The following CAMK4 variants were observed in gnomAD, a reference collection of about 807,000 sequenced individuals.
CAMK4 encodes the protein calcium/calmodulin dependent protein kinase IV.
CAMK4 carries 22 observed loss-of-function variants against 44.9 expected under a neutral mutation model. The observed-to-expected ratio is 0.49, with a 90% CI of 0.35 to 0.70. CAMK4 has a LOEUF of 0.70. Ranked by LOEUF, CAMK4 falls within the 30% of genes least tolerant of loss-of-function variation. CAMK4 has a pLI of 0.01. For synonymous variants in CAMK4, 218 were observed against 215.4 expected (o/e 1.01, Z -0.11); for missense variants, 498 against 586.8 (o/e 0.85, Z 1.56).
At chr5:111,280,079 G>A (rs773361487) in intron 1 of CAMK4, among the ~76,000 whole-genome samples, 2 of 152,144 alleles carry the variant, frequency 1.3e-5, no homozygotes, top group Non-Finnish European at 2.9e-5. Flanking sequence ...AAAAACATTG[G>A]AAGGCAGTTT....
chr5:111,242,301 A>G (rs967058669), intron 1 of CAMK4, among the ~76,000 whole-genome samples: 2 of 152,322 alleles, frequency 1.3e-5, no homozygotes, highest in Non-Finnish European at 2.9e-5. Flanking sequence ...AAGGGGTATA[A>G]TAATAATCTC....
intron 5 of CAMK4, among the ~76,000 whole-genome samples, chr5:111,409,784 G>A (rs1041947544): frequency 1.3e-5 from 2 of 152,152 alleles, no homozygotes; most frequent in African/African-American, 4.8e-5. Flanking sequence ...TAGGGCAGGG[G>A]CAAAATGCTG....
At chr5:111,223,687 A>G (rs955038109), upstream of CAMK4, 1 of 152,278 alleles carries the variant, frequency 6.6e-6, no homozygotes, top group African/African-American at 2.4e-5. The surrounding 1 kb of genome is among the most constrained non-coding windows in gnomAD (Gnocchi z 4.3). Flanking sequence ...ATTTATTCCA[A>G]CTGAAGACTT....
chr5:111,268,723 G>T (rs1331701097), intron 1 of CAMK4, among the ~76,000 whole-genome samples: 1 of 152,132 alleles, frequency 6.6e-6, no homozygotes, highest in Non-Finnish European at 1.5e-5. Flanking sequence ...CTGATGTGTG[G>T]TATGTGACAT....
chr5:111,312,634 A>T (rs1748256157), intron 1 of CAMK4, among the ~76,000 whole-genome samples: 2 of 152,172 alleles, frequency 1.3e-5, no homozygotes, highest in Admixed American at 1.3e-4. Context: ...AAATTTCAAG[A>T]TACAAATGAA....
chr5:111,443,347 AC>A (rs1753913448), intron 5 of CAMK4, among the ~76,000 whole-genome samples: 2 of 138,198 alleles, frequency 1.4e-5, no homozygotes, highest in African/African-American at 5.5e-5. Flanking sequence ...CTATATATAT[AC>A]TATATATATA....
chr5:111,402,309 A>T (rs2112877200), intron 5 of CAMK4, among the ~76,000 whole-genome samples: 1 of 152,348 alleles, frequency 6.6e-6, no homozygotes, highest in Non-Finnish European at 1.5e-5. Context: ...AATAAATTGT[A>T]CAGGATGTTA....
chr5:111,473,877 G>A (rs1755149345), intron 8 of CAMK4, among the ~76,000 whole-genome samples: 2 of 152,062 alleles, frequency 1.3e-5, no homozygotes, highest in Admixed American at 1.3e-4. Context: ...AGGTTTTCAA[G>A]GGTCTTAAAT....
rs566487573 is a variant in CAMK4, at chr5:111,255,043, C to T, written c.161+30399C>T. ...AGTACTCCTAAAGCTATACTTTGTC[C>T]AACTTTTACTTAGTACTTAAAAAAA... On this transcript the variant is annotated intron_variant, in intron 1 of 10. Coordinates refer to ENST00000282356, the MANE Select transcript of CAMK4 (RefSeq NM_001744.6). Among the ~76,000 whole-genome samples the T allele has an allele frequency of 7.5e-5, 11 of 146,774 alleles. No homozygotes were observed. In the South Asian group the frequency reaches 2.4e-3, roughly 33 times the overall value.
chr5:111,434,036 C>T (rs1310721120), intron 5 of CAMK4, among the ~76,000 whole-genome samples: 1 of 152,078 alleles, frequency 6.6e-6, no homozygotes, highest in East Asian at 1.9e-4. Flanking sequence ...GTGGCTCATG[C>T]CTGTAATTCC....
chr5:111,356,155 C>A (rs1240258663), intron 2 of CAMK4, among the ~76,000 whole-genome samples: 34 of 145,356 alleles, frequency 2.3e-4, no homozygotes, highest in African/African-American at 8.6e-4. Context: ...CACATCCTCT[C>A]CAGCACCTGT....
intron 8 of CAMK4, among the ~76,000 whole-genome samples, chr5:111,475,476 A>G (rs966101357): frequency 7.2e-5 from 11 of 152,234 alleles, no homozygotes; most frequent in African/African-American, 2.4e-4. Flanking sequence ...GAAAAATATA[A>G]TTACTTGAGA....
intron 1 of CAMK4, among the ~76,000 whole-genome samples, chr5:111,271,567 G>C (rs771839352): frequency 1.1e-4 from 17 of 152,236 alleles, no homozygotes; most frequent in Non-Finnish European, 2.4e-4. Context: ...ATGGGAGCAA[G>C]GAGCTGGAAG....
chr5:111,343,893 TC>T, intron 1 of CAMK4, 130 bp from the exon 2 acceptor site: 1 of 600,586 alleles, frequency 1.7e-6, no homozygotes. Flanking sequence ...CTAGGGCTGG[TC>T]CTATAATAGA....
intron 2 of CAMK4, among the ~76,000 whole-genome samples, chr5:111,361,468 A>G (rs1750587897): frequency 6.6e-6 from 1 of 152,028 alleles, no homozygotes; most frequent in Non-Finnish European, 1.5e-5. Flanking sequence ...TGGCTTCTTG[A>G]TAATTTAAAA....
chr5:111,484,003 G>C lies in CAMK4; in HGVS notation c.982-23G>C, dbSNP rs1231118285. On this transcript the variant is annotated intron_variant, in intron 10 of 10. Transcript: ENST00000282356. This position sits in a 1 kb window ranked among gnomAD's most constrained non-coding sequence, Gnocchi z 5.3. ...GGGTGTTAAAGCAGAGGTAACACTT[G>C]ACACTCTTCTGTTTCCAATCAGGCA... 4 of 1,530,088 alleles carry C rather than the reference G, an allele frequency of 2.6e-6. No homozygotes were observed. The South Asian group carries it at 5.2e-5, about 20-fold the overall frequency. The allele number at this position is 1,530,088 out of a possible 1,614,324, so 94.8% of individuals were successfully genotyped here.
intron 1 of CAMK4, among the ~76,000 whole-genome samples, chr5:111,248,133 C>A (rs1409618853): frequency 1.3e-5 from 2 of 152,126 alleles, no homozygotes; most frequent in African/African-American, 4.8e-5. Flanking sequence ...TGTTTGTGTT[C>A]TTAAATGTAT....
chr5:111,242,146 A>G (rs957003413), intron 1 of CAMK4, among the ~76,000 whole-genome samples: 3 of 149,718 alleles, frequency 2.0e-5, no homozygotes, highest in Admixed American at 6.6e-5. Context: ...ACCTCAGTAC[A>G]TGTTACCCCC....
chr5:111,425,162 TAAAA>T (rs11351159), intron 5 of CAMK4, among the ~76,000 whole-genome samples: 5 of 128,268 alleles, frequency 3.9e-5, no homozygotes, highest in Admixed American at 7.9e-5. Flanking sequence ...GACGCTGTCT[TAAAA>T]AAAAAAAAAA....
Sources: gnomAD v4.1 joint callset for allele counts (sites outside exome capture counted in the v4.1 genomes callset) on GRCh38, gnomAD v4.1.1 for gene constraint, Gnocchi (gnomAD v3.1) non-coding constraint, MANE v1.5 for transcripts, NCBI Gene and HGNC (gene_info 2026-07-23, HGNC 2026-07-21) for gene names.